The following KLHL2 variants were observed in gnomAD, a reference collection of about 807,000 sequenced individuals.
KLHL2 encodes the protein kelch like family member 2.
In KLHL2, 15 loss-of-function variants were observed where a neutral mutation model predicts 75.8. The observed-to-expected ratio is 0.20, with a 90% CI of 0.13 to 0.30. The LOEUF (loss-of-function observed/expected upper bound fraction) is 0.30, where lower values mean the gene tolerates loss of function less well. Ranked by LOEUF, KLHL2 falls within the 10% of genes least tolerant of loss-of-function variation. KLHL2 has a pLI of 1.00. For missense variants in KLHL2, 381 were observed against 741.0 expected, an observed-to-expected ratio of 0.51 and a Z score of 5.64; for synonymous variants, 214 against 251.9, an observed-to-expected ratio of 0.85 and a Z score of 1.42.
At chr4:165,217,964 A>G (rs1366469160) in intron 1 of KLHL2, among the ~76,000 whole-genome samples, 1 of 152,148 alleles carries the variant, frequency 6.6e-6, no homozygotes, top group Non-Finnish European at 1.5e-5. Flanking sequence ...TCTCTTGTTC[A>G]GGCCAAAAGA....
intron 11 of KLHL2, among the ~76,000 whole-genome samples, chr4:165,312,542 A>G (rs937984758): frequency 1.3e-5 from 2 of 152,086 alleles, no homozygotes; most frequent in African/African-American, 4.8e-5. Flanking sequence ...ACATCATACA[A>G]TTCACCCATT....
At chr4:165,227,792 A>G (rs889429399) in intron 2 of KLHL2, among the ~76,000 whole-genome samples, 1 of 152,226 alleles carries the variant, frequency 6.6e-6, no homozygotes, top group South Asian at 2.1e-4. Context: ...CACGCATTGC[A>G]TGTCAAAAAT....
chr4:165,208,495 C>T (rs1736991902), intron 1 of KLHL2: 1 of 152,186 alleles, frequency 6.6e-6, no homozygotes, highest in Non-Finnish European at 1.5e-5. Flanking sequence ...GTTCGTACCT[C>T]GGGCAAATTA....
At position 165,231,668 on chromosome 4, in the gene KLHL2, G is replaced by A. The variant is rs536145998; in HGVS notation, c.259+2755G>A. 3.3e-5 allele frequency among the ~76,000 whole-genome samples: 5 copies of A among 152,310 alleles called. No homozygotes were observed. In the South Asian group the frequency reaches 1.0e-3, roughly 32 times the overall value. Reference sequence around the variant, plus strand: ...ACTTTCCATTTACCAGTTGATGGATGTTTTTGTGTTGTTTCGATTTTTGGC... The same window carrying A: ...ACTTTCCATTTACCAGTTGATGGATATTTTTGTGTTGTTTCGATTTTTGGC... On this transcript the variant is annotated intron_variant, in intron 3 of 14. Transcript: ENST00000226725.
At chr4:165,217,252 A>C (rs897929575) in intron 1 of KLHL2, among the ~76,000 whole-genome samples, 2 of 152,186 alleles carry the variant, frequency 1.3e-5, no homozygotes, top group African/African-American at 4.8e-5. Flanking sequence ...ACATGGTTAG[A>C]AAGTTTGCAT....
intron 5 of KLHL2, among the ~76,000 whole-genome samples, chr4:165,292,205 G>T (rs1209473539): frequency 6.6e-6 from 1 of 152,036 alleles, no homozygotes; most frequent in East Asian, 1.9e-4. Context: ...TTATTTCAGT[G>T]CAATACCTTG....
intron 2 of KLHL2, among the ~76,000 whole-genome samples, chr4:165,220,270 T>G (rs2110986225): frequency 6.6e-6 from 1 of 152,260 alleles, no homozygotes; most frequent in South Asian, 2.1e-4. Context: ...GGTAGCCGCT[T>G]AGCCACATAC....
intron 2 of KLHL2, among the ~76,000 whole-genome samples, chr4:165,227,243 A>ACCAT (rs369705668): frequency 0.011 from 1,641 of 152,252 alleles, 22 homozygotes; most frequent in African/African-American, 0.035. Context: ...CACAAGCCAT[A>ACCAT]CCATAATCTA....
At chr4:165,261,713 C>T (rs1293632514) in intron 4 of KLHL2, among the ~76,000 whole-genome samples, 1 of 152,166 alleles carries the variant, frequency 6.6e-6, no homozygotes, top group East Asian at 1.9e-4. Flanking sequence ...CCTTTAGATT[C>T]AGGAGTTAAA....
intron 5 of KLHL2, among the ~76,000 whole-genome samples, chr4:165,291,418 G>A (rs889821942): frequency 9.2e-5 from 14 of 151,984 alleles, no homozygotes; most frequent in African/African-American, 3.1e-4. Context: ...CCCAAGGTTA[G>A]TTAAATTTTC....
At chr4:165,263,638 C>G (rs1741889559) in intron 5 of KLHL2, among the ~76,000 whole-genome samples, 1 of 151,116 alleles carries the variant, frequency 6.6e-6, no homozygotes, top group Non-Finnish European at 1.5e-5. Context: ...GAGTCTTGCC[C>G]TGTCACCCAG....
At chr4:165,307,582 A>C (rs1015858566) in intron 9 of KLHL2, among the ~76,000 whole-genome samples, 68 of 152,210 alleles carry the variant, frequency 4.5e-4, no homozygotes, top group African/African-American at 1.5e-3. Context: ...TATCTGAGAT[A>C]GTCCCAGAGT....
intron 2 of KLHL2, among the ~76,000 whole-genome samples, chr4:165,221,911 G>A (rs1738026711): frequency 6.6e-6 from 1 of 152,204 alleles, no homozygotes; most frequent in Non-Finnish European, 1.5e-5. Flanking sequence ...AAGTGGAACT[G>A]CAAGAAAAGT....
At chr4:165,310,190 T>G (rs1391599134) in intron 9 of KLHL2, among the ~76,000 whole-genome samples, 3 of 152,052 alleles carry the variant, frequency 2.0e-5, no homozygotes, top group Non-Finnish European at 4.4e-5. Context: ...TTGGGTGTGG[T>G]GGCGGGCGCC....
At chr4:165,291,937 C>T (rs4129766) in intron 5 of KLHL2, among the ~76,000 whole-genome samples, 1,682 of 152,230 alleles carry the variant, frequency 0.011, 18 homozygotes, top group Non-Finnish European at 0.017. Context: ...TTAGGCAGTC[C>T]TCCTGCCTCA....
intron 4 of KLHL2, among the ~76,000 whole-genome samples, chr4:165,250,839 A>T (rs1357045799): frequency 6.6e-6 from 1 of 152,150 alleles, no homozygotes; most frequent in Non-Finnish European, 1.5e-5. Context: ...ATCAGGTCAT[A>T]TAAAAAATGT....
chr4:165,251,480 T>TA (rs895908143), intron 4 of KLHL2, among the ~76,000 whole-genome samples: 9 of 151,846 alleles, frequency 5.9e-5, no homozygotes, highest in African/African-American at 1.9e-4. Flanking sequence ...GAATATAGAA[T>TA]AAAAAAAGTC....
At chr4:165,283,743 G>A (rs1428719193) in intron 5 of KLHL2, among the ~76,000 whole-genome samples, 2 of 152,210 alleles carry the variant, frequency 1.3e-5, no homozygotes, top group Non-Finnish European at 2.9e-5. Flanking sequence ...GATTCTGTGT[G>A]GGGACTCTGA....
chr4:165,211,650 T>C (rs1737211342), intron 1 of KLHL2, among the ~76,000 whole-genome samples: 1 of 152,202 alleles, frequency 6.6e-6, no homozygotes, highest in Admixed American at 6.5e-5. Flanking sequence ...ATTTAAAATA[T>C]TTAGGAGTAA....
Sources: allele counts gnomAD v4.1 joint callset (sites outside exome capture counted in the v4.1 genomes callset), GRCh38; gene constraint gnomAD v4.1.1; transcripts MANE v1.5; gene names NCBI Gene and HGNC (gene_info 2026-07-23, HGNC 2026-07-21).